Variants in PLAAT3 observed in about 807,000 individuals in gnomAD.
The protein encoded by PLAAT3 is phospholipase A and acyltransferase 3.
A neutral mutation model predicts 16.7 loss-of-function variants in PLAAT3; 21 were observed. The observed-to-expected ratio is 1.26, with a 90% CI of 0.89 to 1.81. The LOEUF (loss-of-function observed/expected upper bound fraction) is 1.81, where lower values mean the gene tolerates loss of function less well. PLAAT3 is among the 40% of genes most tolerant of loss of function. The probability of loss-of-function intolerance (pLI) is 0.00; values close to 1 mark genes in which losing one functional copy is unlikely to be tolerated. For missense variants in PLAAT3, 219 were observed against 213.7 expected (o/e 1.02, Z -0.16); for synonymous variants, 76 against 81.7 (o/e 0.93, Z 0.38).
At chr11:63,582,545 T>A (rs539885793) in intron 4 of PLAAT3, among the ~76,000 whole-genome samples, 44 of 152,166 alleles carry the variant, frequency 2.9e-4, no homozygotes, top group Non-Finnish European at 5.3e-4. Flanking sequence ...GTAATAATTA[T>A]CATAAAGAAA....
chr11:63,606,388 G>C (rs1938560098), intron 2 of PLAAT3, among the ~76,000 whole-genome samples: 1 of 150,154 alleles, frequency 6.7e-6, no homozygotes, highest in African/African-American at 2.5e-5. Context: ...TTCAAGACCA[G>C]CCTCGCCAAC....
At chr11:63,609,641 G>A (rs770820621) in intron 2 of PLAAT3, among the ~76,000 whole-genome samples, 2 of 152,166 alleles carry the variant, frequency 1.3e-5, no homozygotes, top group African/African-American at 2.4e-5. Context: ...TCCCAGCCTC[G>A]GGCAGAGAGA....
intron 2 of PLAAT3, among the ~76,000 whole-genome samples, chr11:63,607,428 G>A (rs1427055063): frequency 5.9e-5 from 9 of 152,134 alleles, no homozygotes; most frequent in Non-Finnish European, 1.3e-4. Flanking sequence ...TCAGGAGGCT[G>A]AGGCTGGAGG....
At chr11:63,607,187 G>C (rs1938589609) in intron 2 of PLAAT3, among the ~76,000 whole-genome samples, 1 of 152,218 alleles carries the variant, frequency 6.6e-6, no homozygotes, top group South Asian at 2.1e-4. Context: ...GCTGTTTAGA[G>C]ACAGAGTAGG....
chr11:63,612,091 T>C (rs1414390154), intron 2 of PLAAT3, among the ~76,000 whole-genome samples: 1 of 152,078 alleles, frequency 6.6e-6, no homozygotes, highest in Non-Finnish European at 1.5e-5. Flanking sequence ...CGAGCCGAGA[T>C]CACGCCATTG....
At chr11:63,603,621 TA>T (rs1027170331) in intron 2 of PLAAT3, among the ~76,000 whole-genome samples, 1 of 144,608 alleles carries the variant, frequency 6.9e-6, no homozygotes, top group Non-Finnish European at 1.5e-5. Flanking sequence ...CCCTGGAACT[TA>T]AAATAAAAGT....
intron 4 of PLAAT3, among the ~76,000 whole-genome samples, chr11:63,581,465 C>T (rs555237154): frequency 6.6e-6 from 1 of 152,290 alleles, no homozygotes; most frequent in East Asian, 1.9e-4. Context: ...CTGCAGTACC[C>T]TCAGGCTTAC....
At chr11:63,615,044 A>G (rs796466772), upstream of PLAAT3, among the ~76,000 whole-genome samples, 81 of 20,560 alleles carry the variant, frequency 3.9e-3, 7 homozygotes, top group Non-Finnish European at 0.015. Flanking sequence ...ATATATATGT[A>G]TATATATGTG....
At chr11:63,602,102 A>G (rs1938447586) in intron 2 of PLAAT3, among the ~76,000 whole-genome samples, 1 of 152,010 alleles carries the variant, frequency 6.6e-6, no homozygotes, top group Non-Finnish European at 1.5e-5. Flanking sequence ...AGCCTGGCCA[A>G]TATGGTGAAA....
upstream of PLAAT3, chr11:63,616,736 G>A (rs995512779): frequency 8.4e-4 from 127 of 151,690 alleles, 1 homozygote; most frequent in Non-Finnish European, 1.4e-3. Context: ...GTAATCCCAG[G>A]ACTTTGGGAG....
At chr11:63,596,237 CAAAAAAAAAAAAA>C (rs56081443) in intron 3 of PLAAT3, among the ~76,000 whole-genome samples, 1,010 of 40,800 alleles carry the variant, frequency 0.025, 22 homozygotes, top group African/African-American at 0.089. Flanking sequence ...GAGACTCTGT[CAAAAAAAAAAAAA>C]AAAAAAAAAA....
chr11:63,606,107 G>A (rs1938551170), intron 2 of PLAAT3, among the ~76,000 whole-genome samples: 1 of 152,132 alleles, frequency 6.6e-6, no homozygotes, highest in Non-Finnish European at 1.5e-5. Context: ...AGAGCGCGGT[G>A]TAAGCGGCCA....
chr11:63,599,815 G>T (rs927410543), intron 2 of PLAAT3, among the ~76,000 whole-genome samples: 1 of 152,054 alleles, frequency 6.6e-6, no homozygotes, highest in Non-Finnish European at 1.5e-5. Context: ...AGGACATAAA[G>T]ACTGGGTGGG....
chr11:63,613,956 G>C (rs1156423261), intron 2 of PLAAT3, 44 bp downstream of exon 2: 1 of 1,233,032 alleles, frequency 8.1e-7, no homozygotes. Context: ...CCCACTAACA[G>C]GGGGCTCCCA....
intron 4 of PLAAT3, among the ~76,000 whole-genome samples, chr11:63,578,009 G>A (rs996434781): frequency 6.6e-6 from 1 of 152,150 alleles, no homozygotes; most frequent in African/African-American, 2.4e-5. Flanking sequence ...CCGGCTGGGT[G>A]CAGTGGCTCA....
At chr11:63,608,239 G>A (rs1242383527) in intron 2 of PLAAT3, among the ~76,000 whole-genome samples, 2 of 152,142 alleles carry the variant, frequency 1.3e-5, no homozygotes, top group Admixed American at 1.3e-4. Context: ...TGTGTAGCCT[G>A]GAGCAAGGCC....
intron 4 of PLAAT3, among the ~76,000 whole-genome samples, chr11:63,589,510 A>C (rs1357968185): frequency 1.3e-5 from 2 of 152,074 alleles, no homozygotes; most frequent in East Asian, 1.9e-4. Context: ...GAGGAAAGAC[A>C]AAAATAAAAT....
chr11:63,591,500 G>C (rs1938152309), intron 3 of PLAAT3, among the ~76,000 whole-genome samples: 1 of 152,218 alleles, frequency 6.6e-6, no homozygotes, highest in Admixed American at 6.5e-5. Flanking sequence ...GACCCTGTCA[G>C]GGTCAAGGCC....
chr11:63,596,237 C>T (rs1185725472), intron 3 of PLAAT3, among the ~76,000 whole-genome samples: 1 of 40,724 alleles, frequency 2.5e-5, no homozygotes, highest in Non-Finnish European at 4.3e-5. Context: ...GAGACTCTGT[C>T]AAAAAAAAAA....
Sources: allele counts gnomAD v4.1 joint callset (sites outside exome capture counted in the v4.1 genomes callset), GRCh38; gene constraint gnomAD v4.1.1; transcripts MANE v1.5; gene names NCBI Gene and HGNC (gene_info 2026-07-23, HGNC 2026-07-21).